The following FEZF1 variants were observed in gnomAD, a reference collection of about 807,000 sequenced individuals.
FEZF1 encodes the protein fez family zinc finger protein 1.
A neutral mutation model predicts 32.4 loss-of-function variants in FEZF1; 8 were observed. That is an observed-to-expected ratio of 0.25 (90% CI 0.15 to 0.45). The LOEUF (loss-of-function observed/expected upper bound fraction) is 0.45, where lower values mean the gene tolerates loss of function less well. FEZF1 is among the 20% of genes least tolerant of loss of function. The pLI is 1.00. For missense variants in FEZF1, 546 were observed against 622.3 expected (o/e 0.88, Z 1.31); for synonymous variants, 259 against 265.2 (o/e 0.98, Z 0.23).
chr7:122,302,404 T>A lies in FEZF1; in HGVS notation c.1070-49A>T. ...TATGGTTCTGAAAAAAAAAATAGCT[T>A]AAAAAGGGAGGAGCAGACACGTGGA... On this transcript the variant is annotated intron_variant, in intron 3 of 3. Transcript: ENST00000442488. The surrounding 1 kb of genome is among the most constrained non-coding windows in gnomAD (Gnocchi z 4.4). The A allele has an allele frequency of 6.2e-7, 1 of 1,609,818 alleles. No homozygotes were observed.
At position 122,301,943 on chromosome 7, in the gene FEZF1, G is replaced by T. The variant is rs940218019; in HGVS notation, c.*54C>A. The T allele has an allele frequency of 3.3e-6, 5 of 1,537,598 alleles. No homozygotes were observed. Among genetic ancestry groups the T allele is most frequent in the Non-Finnish European group, 4.3e-6 (5 of 1,155,236 alleles). ...GAACTCGGACCAGGAGCTCTAGTCT[G>T]CCGCTGCCTCAGCGTGGGGGCACGG... On this transcript the variant is annotated 3_prime_UTR_variant, in exon 4 of 4. Coordinates refer to ENST00000442488, the MANE Select transcript of FEZF1 (RefSeq NM_001024613.4).
upstream of FEZF1, among the ~76,000 whole-genome samples, chr7:122,309,395 A>G (rs2031366706): frequency 6.6e-6 from 1 of 152,176 alleles, no homozygotes; most frequent in Non-Finnish European, 1.5e-5. Flanking sequence ...TTAGGATTTC[A>G]TTTAAACCCA....
upstream of FEZF1, chr7:122,305,909 C>T (rs984860742): frequency 3.3e-5 from 5 of 152,346 alleles, no homozygotes; most frequent in African/African-American, 1.2e-4. Flanking sequence ...GGTGTGGCAC[C>T]TCGGCCGAAA....
chr7:122,305,102 A>C (rs2031235344), upstream of FEZF1: 2 of 152,276 alleles, frequency 1.3e-5, no homozygotes, highest in Non-Finnish European at 2.9e-5. Flanking sequence ...AACGGAGTCT[A>C]ATTCAGGGGC....
Position 122,303,683 on chromosome 7 carries a change from G to A in FEZF1, c.755C>T (p.Ser252Phe), listed in dbSNP as rs559647292. The change falls in exon 1 of 4, where the codon TCT becomes TTT. Residue 252 changes from serine to phenylalanine, a missense_variant. Around this residue, in one of 3 missense-constraint regions of FEZF1, gnomAD observed 345 missense variants for 360.6 expected, o/e 0.96. Transcript: ENST00000442488. The stretch of plus-strand genomic sequence containing the variant: ...GAAAACTTTGGGCTTGGCATTAGGA[G>A]AGCCTCGGCTGAAATCCGAGGTTTT... Reference protein sequence around the residue: ...AFKTSDFSRGSPNAKPKVFTC... With the variant: ...AFKTSDFSRGFPNAKPKVFTC... 24 of 1,614,176 alleles carry A rather than the reference G, an allele frequency of 1.5e-5. No individual in the cohort carries two copies. In the South Asian group the frequency reaches 1.8e-4, roughly 12 times the overall value.
At chr7:122,303,400 T>C in intron 1 of FEZF1, 89 bp from the exon 2 acceptor site, 1 of 1,512,134 alleles carries the variant, frequency 6.6e-7, no homozygotes, top group Non-Finnish European at 9.1e-7. Context: ...GAAGAGAATC[T>C]TAACAAAAAG....
chr7:122,303,115 C>T, intron 2 of FEZF1, 62 bp downstream of exon 2: 3 of 1,607,116 alleles, frequency 1.9e-6, no homozygotes, highest in Non-Finnish European at 2.6e-6. Context: ...AAGGTTTTAT[C>T]GGCTGTTTTT....
At position 122,304,530 on chromosome 7, in the gene FEZF1, G is replaced by T; in HGVS notation, c.-93C>A. ...CACAGACCTGCGGAGAGGGGGACGG[G>T]CACCATCACCACCAGTAGCCTCCTC... On this transcript the variant is annotated 5_prime_UTR_variant, in exon 1 of 4. Transcript: ENST00000442488. 1 of 1,103,892 alleles carries T rather than the reference G, an allele frequency of 9.1e-7. No homozygotes were observed. The highest frequency in any genetic ancestry group is 1.3e-6 in the Non-Finnish European group (1 of 794,286). 68.4% of individuals were successfully genotyped at this position (1,103,892 alleles called of 1,614,324 possible).
intron 2 of FEZF1, 88 bp downstream of exon 2, chr7:122,303,089 C>G: frequency 6.3e-7 from 1 of 1,582,130 alleles, no homozygotes. Context: ...TTTAAATGAA[C>G]GTTATCCTAA....
chr7:122,304,480 G>T lies in FEZF1; in HGVS notation c.-43C>A. On this transcript the variant is annotated 5_prime_UTR_variant, in exon 1 of 4. Transcript: ENST00000442488. ...CCGTCAGCCGGGGCTGGGTTGCGCC[G>T]TCCGTTGCCTTGTTCCCTGCTTGTC... is the stretch of plus-strand genomic sequence containing the variant. 6.7e-7 allele frequency: 1 copy of T among 1,493,234 alleles called. No individual in the cohort carries two copies. The highest frequency in any genetic ancestry group is 1.4e-5 in the South Asian group (1 of 73,880). 92.5% of individuals were successfully genotyped at this position (1,493,234 alleles called of 1,614,324 possible). A position where few individuals can be genotyped will look rare whatever the true frequency, so the allele number is the denominator to read the frequency against.
upstream of FEZF1, among the ~76,000 whole-genome samples, chr7:122,308,033 T>G (rs2031332863): frequency 6.6e-6 from 1 of 152,236 alleles, no homozygotes. Flanking sequence ...TTCAGAAGCT[T>G]TCAAAACGTT....
chr7:122,304,270 T>A lies in FEZF1; in HGVS notation c.168A>T (p.Leu56Phe), dbSNP rs544922798. Residue 56 changes from leucine to phenylalanine, a missense_variant, in exon 1 of 4, where the codon TTA (leucine) becomes TTT (phenylalanine). Transcript: ENST00000442488. The stretch of plus-strand genomic sequence containing the variant: ...GAGAGTGCTTGGGTTCCCCCTTGGG[T>A]AAGGCTCCCTGCAGGAAGTGGGGGA... The part of the protein sequence containing the change: ...LPVPHFLQGA[L>F]PKGEPKHSLH... 6.2e-7 allele frequency: 1 copy of A among 1,610,164 alleles called. No homozygotes were observed. The highest frequency in any genetic ancestry group is 1.1e-5 in the South Asian group (1 of 90,614).
In FEZF1 at chr7:122,302,146, G is replaced by A. The variant is rs1273373470; in HGVS notation, c.1279C>T (p.Leu427=). The A allele has an allele frequency of 6.2e-7, 1 of 1,614,092 alleles. No individual in the cohort carries two copies. The highest frequency in any genetic ancestry group is 1.3e-5 in the African/African-American group (1 of 74,942). Residue 427 remains leucine (L), a synonymous_variant, in exon 4 of 4, where the codon CTG becomes TTG. Transcript: ENST00000442488. This position sits in a 1 kb window ranked among gnomAD's most constrained non-coding sequence, Gnocchi z 4.4. ...CCAGCTGGCGTGCGGGCCAGCCCCA[G>A]GCTGCTGTCGTGCAGCTTGCGGACA... is the stretch of plus-strand genomic sequence containing the variant. ...KHVRKLHDSS[L]GLARTPAGEP...
rs557760939 is a variant in FEZF1, at chr7:122,304,007, A to G, written c.431T>C (p.Val144Ala). The G allele has an allele frequency of 6.4e-7, 1 of 1,568,444 alleles. No homozygotes were observed. Among genetic ancestry groups the G allele is most frequent in the South Asian group, 1.2e-5 (1 of 86,844 alleles). Residue 144 changes from valine to alanine, a missense_variant, in exon 1 of 4, where the codon GTA (valine) becomes GCA (alanine). Around this residue, in one of 3 missense-constraint regions of FEZF1, gnomAD observed 345 missense variants for 360.6 expected, o/e 0.96. Transcript: ENST00000442488. Reference sequence around the variant, plus strand: ...AGAGTGGTTGACCACACGCGGCCTTACCAGCTTGTACTGCTGCAGCGGCAG... The same window carrying G: ...AGAGTGGTTGACCACACGCGGCCTTGCCAGCTTGTACTGCTGCAGCGGCAG... ...DALPLQQYKLVRPRVVNHSSF... is the reference protein window; with the variant it reads ...DALPLQQYKLARPRVVNHSSF...
Position 122,304,453 on chromosome 7 carries a change from G to T in FEZF1, c.-16C>A. 6.5e-7 allele frequency: 1 copy of T among 1,536,000 alleles called. No homozygotes were observed. The highest frequency in any genetic ancestry group is 8.8e-7 in the Non-Finnish European group (1 of 1,135,728). On this transcript the variant is annotated 5_prime_UTR_variant, in exon 1 of 4. Coordinates refer to ENST00000442488, the MANE Select transcript of FEZF1 (RefSeq NM_001024613.4). ...TACTGTCCATGTCTGAGTCGCCAGC[G>T]TCCGTCAGCCGGGGCTGGGTTGCGC...
rs764752540 is a variant in FEZF1, at chr7:122,303,156, AATTGAG to A, written c.936+15_936+20del. On this transcript the variant is annotated intron_variant, in intron 2 of 3. Transcript: ENST00000442488. ...AACAGTTCGGAAGCAAACTAGGTGA[AATTGAG>A]ACAGATGAACACACCTGCGTGTGAA... is the stretch of plus-strand genomic sequence containing the variant. The A allele has an allele frequency of 7.4e-6, 12 of 1,614,018 alleles. No homozygotes were observed. Among genetic ancestry groups the A allele is most frequent in the Non-Finnish European group, 1.0e-5 (12 of 1,179,980 alleles).
In FEZF1 at chr7:122,302,159, C is replaced by T. The variant is rs1563041166; in HGVS notation, c.1266G>A (p.Leu422=). The part of the protein sequence containing the change: ...NFDLKKHVRK[L]HDSSLGLART... Reference sequence around the variant, plus strand: ...GGGCCAGCCCCAGGCTGCTGTCGTGCAGCTTGCGGACATGCTTCTTGAGGT... The same window carrying T: ...GGGCCAGCCCCAGGCTGCTGTCGTGTAGCTTGCGGACATGCTTCTTGAGGT... Residue 422 remains leucine (L), a synonymous_variant, in exon 4 of 4, where the codon CTG becomes CTA. Transcript: ENST00000442488. The surrounding 1 kb of genome is among the most constrained non-coding windows in gnomAD (Gnocchi z 4.4). The T allele has an allele frequency of 1.2e-6, 2 of 1,614,200 alleles. No homozygotes were observed. Among genetic ancestry groups the T allele is most frequent in the Non-Finnish European group, 1.7e-6 (2 of 1,180,032 alleles).
chr7:122,303,416 GCAAATAATTACCCC>G, intron 1 of FEZF1, 105 bp from the exon 2 acceptor site: 1 of 1,378,266 alleles, frequency 7.3e-7, no homozygotes, highest in Non-Finnish European at 1.0e-6. Context: ...AAAAGTGTAT[GCAAATAATTACCCC>G]CAAAATACTA....
At position 122,303,877 on chromosome 7, in the gene FEZF1, A is replaced by T. The variant is rs749180825; in HGVS notation, c.561T>A (p.Ser187Arg). 6.2e-7 allele frequency: 1 copy of T among 1,614,170 alleles called. No individual in the cohort carries two copies. Among genetic ancestry groups the T allele is most frequent in the South Asian group, 1.1e-5 (1 of 91,086 alleles). The change falls in exon 1 of 4, where the codon AGT becomes AGA. Residue 187 changes from serine (S) to arginine (R), a missense_variant. Physicochemically the swap from Ser to Arg is moderately radical, Grantham distance 110. Around this residue, in one of 3 missense-constraint regions of FEZF1, gnomAD observed 345 missense variants for 360.6 expected, o/e 0.96. Transcript: ENST00000442488. ...TTTTTGGCTGCGGGTGCAAAGGGGA[A>T]CTGAGGAAGTAGGAGGCCACCGGGT... is the stretch of plus-strand genomic sequence containing the variant. ...NIHPVASYFL[S>R]SPLHPQPKTY...
Sources: allele counts gnomAD v4.1 joint callset (sites outside exome capture counted in the v4.1 genomes callset), GRCh38; gene constraint gnomAD v4.1.1; regional missense constraint gnomAD v4.1.1; non-coding constraint Gnocchi (gnomAD v3.1); transcripts MANE v1.5; gene names NCBI Gene and HGNC (gene_info 2026-07-23, HGNC 2026-07-21).